RBFOX1: variants seen among roughly 807,000 people sequenced by gnomAD.
RBFOX1 encodes the protein RNA binding fox-1 homolog 1.
In RBFOX1, 8 loss-of-function variants were observed where a neutral mutation model predicts 57.7. The ratio of observed to expected loss-of-function variants is 0.14; its 90% CI spans 0.08 to 0.25. The LOEUF (loss-of-function observed/expected upper bound fraction) is 0.25. Among genes scored for constraint, RBFOX1 ranks in the 10% least tolerant of loss-of-function variants. The pLI is 1.00. For missense variants in RBFOX1, 611 were observed against 548.5 expected, an observed-to-expected ratio of 1.11 and a Z score of -1.14; for synonymous variants, 326 against 222.4, an observed-to-expected ratio of 1.47 and a Z score of -4.15.
At chr16:6,746,364 A>G (rs2073640735) in intron 3 of RBFOX1, among the ~76,000 whole-genome samples, 1 of 152,162 alleles carries the variant, frequency 6.6e-6, no homozygotes, top group African/African-American at 2.4e-5. Context: ...TGCAGACTTA[A>G]TGGAAAGCTA....
At chr16:6,930,788 C>A (rs1211156192) in intron 3 of RBFOX1, among the ~76,000 whole-genome samples, 1 of 152,124 alleles carries the variant, frequency 6.6e-6, no homozygotes, top group Non-Finnish European at 1.5e-5. Flanking sequence ...GAGAGCTATA[C>A]AGTTTTCTCA....
intron 2 of RBFOX1, among the ~76,000 whole-genome samples, chr16:6,370,208 A>G (rs566666334): frequency 7.9e-5 from 12 of 151,952 alleles, no homozygotes; most frequent in African/African-American, 2.9e-4. Flanking sequence ...AATACAAAAA[A>G]TTAGCTGGGC....
At chr16:6,534,934 A>G (rs1160840687) in intron 2 of RBFOX1, among the ~76,000 whole-genome samples, 2 of 152,188 alleles carry the variant, frequency 1.3e-5, no homozygotes, top group African/African-American at 2.4e-5. Flanking sequence ...CGCATTCAAC[A>G]TACAGAAAAC....
chr16:5,979,445 T>A (rs113521810), intron 4 of RBFOX1, among the ~76,000 whole-genome samples: 5,551 of 152,362 alleles, frequency 0.036, 137 homozygotes, highest in Non-Finnish European at 0.059. Flanking sequence ...TTAGTGACTG[T>A]TGAGGGGCTT....
intron 1 of RBFOX1, among the ~76,000 whole-genome samples, chr16:6,263,890 A>G (rs750036657): frequency 4.6e-5 from 7 of 152,176 alleles, no homozygotes; most frequent in Non-Finnish European, 8.8e-5. Context: ...AGTGGCCACC[A>G]CCAGCAACAT....
chr16:6,628,022 G>C (rs2098333094), intron 2 of RBFOX1, among the ~76,000 whole-genome samples: 1 of 152,228 alleles, frequency 6.6e-6, no homozygotes, highest in Non-Finnish European at 1.5e-5. Context: ...ATGTCTCCAA[G>C]TGTGCAAAGG....
At chr16:6,111,296 A>C (rs2096443960) in intron 1 of RBFOX1, among the ~76,000 whole-genome samples, 1 of 152,166 alleles carries the variant, frequency 6.6e-6, no homozygotes, top group Non-Finnish European at 1.5e-5. Context: ...CCTTGTGACA[A>C]CCACTCTGTC....
chr16:7,555,042 T>G (rs1260121566), intron 5 of RBFOX1, among the ~76,000 whole-genome samples: 1 of 152,200 alleles, frequency 6.6e-6, no homozygotes. Flanking sequence ...TTTGGTCATT[T>G]CTTTCAGAAT....
At chr16:6,783,143 C>T (rs1200493048) in intron 3 of RBFOX1, among the ~76,000 whole-genome samples, 1 of 151,518 alleles carries the variant, frequency 6.6e-6, no homozygotes, top group African/African-American at 2.4e-5. Flanking sequence ...AAATGAGTTC[C>T]TTATAGGCAG....
chr16:6,818,427 C>T (rs540766443), intron 3 of RBFOX1, among the ~76,000 whole-genome samples: 1 of 151,258 alleles, frequency 6.6e-6, no homozygotes, highest in East Asian at 1.9e-4. Context: ...CCATGAGTGG[C>T]CAAAAAGAAA....
At position 7,628,469 on chromosome 16, in the gene RBFOX1, A is replaced by G. The variant is rs111456332; in HGVS notation, c.677-2134A>G. 7.5e-3 allele frequency among the ~76,000 whole-genome samples: 1,138 copies of G among 152,262 alleles called. 13 individuals carry two copies. Among genetic ancestry groups the G allele is most frequent in the African/African-American group, 0.025 (1,045 of 41,556 alleles). Reference sequence around the variant, plus strand: ...GGACTAACTGTCTTTCCTGGTAGGTAGCTTGCCTCCCCTTGCTTGGTTTCA... The same window carrying G: ...GGACTAACTGTCTTTCCTGGTAGGTGGCTTGCCTCCCCTTGCTTGGTTTCA... On this transcript the variant is annotated intron_variant, in intron 10 of 15. Coordinates refer to ENST00000550418, the MANE Select transcript of RBFOX1 (RefSeq NM_018723.4).
chr16:7,659,732 A>G (rs190715000), intron 12 of RBFOX1, among the ~76,000 whole-genome samples: 39 of 152,370 alleles, frequency 2.6e-4, no homozygotes, highest in Admixed American at 2.4e-3. Context: ...TTCTTTTTAT[A>G]AAGTGTGACT....
At chr16:5,388,016 G>A (rs1235019337) in intron 1 of RBFOX1, among the ~76,000 whole-genome samples, 3 of 152,146 alleles carry the variant, frequency 2.0e-5, no homozygotes, top group Non-Finnish European at 4.4e-5. Flanking sequence ...AAGTGGGAAA[G>A]ATAAGAAAAT....
rs1555505945 is a variant in RBFOX1 at position 6,097,460 on chromosome 16, C to A, written c.-127+77468C>A. 6.6e-6 allele frequency among the ~76,000 whole-genome samples: 1 copy of A among 152,144 alleles called. No individual in the cohort carries two copies. Among genetic ancestry groups the A allele is most frequent in the Non-Finnish European group, 1.5e-5 (1 of 68,024 alleles). The stretch of plus-strand genomic sequence containing the variant: ...GTGAGAGATGCAGATTCTTGGTGCC[C>A]ATCCAAACCTACAGAAGCAGAATCT... On this transcript the variant is annotated intron_variant, in intron 1 of 15. Coordinates refer to ENST00000550418, the MANE Select transcript of RBFOX1 (RefSeq NM_018723.4). This position sits in a 1 kb window ranked among gnomAD's most constrained non-coding sequence, Gnocchi z 5.0.
At chr16:6,607,521 A>G (rs1055209684) in intron 2 of RBFOX1, among the ~76,000 whole-genome samples, 3 of 124,240 alleles carry the variant, frequency 2.4e-5, no homozygotes, top group East Asian at 2.4e-4. Flanking sequence ...TCTCTCTCCT[A>G]TCTATCTCCT....
chr16:6,566,614 A>C (rs955484766), intron 2 of RBFOX1, among the ~76,000 whole-genome samples: 1 of 152,192 alleles, frequency 6.6e-6, no homozygotes, highest in South Asian at 2.1e-4. Context: ...TATCTTTAGA[A>C]GGTATTACTG....
At chr16:5,819,220 A>G (rs1003015190) in intron 3 of RBFOX1, among the ~76,000 whole-genome samples, 8 of 152,170 alleles carry the variant, frequency 5.3e-5, no homozygotes, top group Admixed American at 1.3e-4. Flanking sequence ...CACTTCCTAG[A>G]TGGCCGTCTT....
At chr16:5,652,231 T>G (rs866855428) in intron 3 of RBFOX1, among the ~76,000 whole-genome samples, 59 of 152,320 alleles carry the variant, frequency 3.9e-4, no homozygotes, top group African/African-American at 1.3e-3. Context: ...CACTTAGCAC[T>G]TTATATATTT....
chr16:7,237,162 A>G (rs1446676290), intron 4 of RBFOX1, among the ~76,000 whole-genome samples: 1 of 152,200 alleles, frequency 6.6e-6, no homozygotes, highest in East Asian at 1.9e-4. Flanking sequence ...GGGATAGGCC[A>G]GCGTGCCAGA....
Sources: gnomAD v4.1 joint callset for allele counts (sites outside exome capture counted in the v4.1 genomes callset) on GRCh38, gnomAD v4.1.1 for gene constraint, Gnocchi (gnomAD v3.1) non-coding constraint, MANE v1.5 for transcripts, NCBI Gene and HGNC (gene_info 2026-07-23, HGNC 2026-07-21) for gene names.